The following ARHGAP6 variants were observed in gnomAD, a reference collection of about 807,000 sequenced individuals.
The protein encoded by ARHGAP6 is rho GTPase-activating protein 6.
Under a neutral mutation model 55.7 loss-of-function variants are expected in ARHGAP6, and 16 were observed. The ratio of observed to expected loss-of-function variants is 0.29; its 90% CI spans 0.19 to 0.44. The LOEUF is 0.44. Ranked by LOEUF, ARHGAP6 falls within the 20% of genes least tolerant of loss-of-function variation. ARHGAP6 has a pLI of 1.00. For missense variants in ARHGAP6, 698 were observed against 808.9 expected (o/e 0.86, Z 1.66); for synonymous variants, 382 against 360.9 (o/e 1.06, Z -0.66).
At chrX:11,482,337 C>T (rs758696458) in intron 1 of ARHGAP6, among the ~76,000 whole-genome samples, 1 of 112,008 alleles carries the variant, frequency 8.9e-6, no homozygotes, top group South Asian at 3.7e-4. Flanking sequence ...CTGGCGTACC[C>T]CCAGCAGCTG....
chrX:11,340,645 C>T (rs959313447), intron 1 of ARHGAP6, among the ~76,000 whole-genome samples: 7 of 107,022 alleles, frequency 6.5e-5, no homozygotes, highest in Admixed American at 9.9e-5. Context: ...AGGAGAATGG[C>T]GTGAACCCGG....
chrX:11,425,804 T>A (rs1484892040), intron 1 of ARHGAP6, among the ~76,000 whole-genome samples: 1 of 111,981 alleles, frequency 8.9e-6, no homozygotes, highest in African/African-American at 3.2e-5. Context: ...TAGATTTTTT[T>A]AAAATTAAGG....
chrX:11,397,987 G>T (rs5935050), intron 1 of ARHGAP6, among the ~76,000 whole-genome samples: 6,192 of 111,410 alleles, frequency 0.056, 196 homozygotes, highest in African/African-American at 0.12. Flanking sequence ...CACATTGATA[G>T]TAACTAATTA....
At chrX:11,194,262 C>A (rs1263587769) in intron 3 of ARHGAP6, among the ~76,000 whole-genome samples, 2 of 112,503 alleles carry the variant, frequency 1.8e-5, no homozygotes, top group East Asian at 5.5e-4. Flanking sequence ...ATTTATCAGA[C>A]TATAATAGCT....
At chrX:11,384,443 T>A (rs2049303750) in intron 1 of ARHGAP6, among the ~76,000 whole-genome samples, 1 of 112,219 alleles carries the variant, frequency 8.9e-6, no homozygotes, top group Non-Finnish European at 1.9e-5. Context: ...TGAAAAGTCA[T>A]GAGAACACAT....
Position 11,664,253 on chromosome X carries a change from C to T in ARHGAP6, c.576G>A (p.Val192=), listed in dbSNP as rs2052729864. ...PPDSRGHPYV[V]WKSEGDFTWN... ...CGCTGGTCCCTACCTCGGATTTCCA[C>T]ACGACGTAGGGGTGCCCGCGACTGT... Residue 192 remains valine (V), a synonymous_variant, in exon 1 of 13, where the codon GTG becomes GTA. Transcript: ENST00000337414. The T allele has an allele frequency of 8.3e-7, 1 of 1,203,009 alleles. No individual in the cohort carries two copies. The highest frequency in any genetic ancestry group is 1.1e-6 in the Non-Finnish European group (1 of 890,966).
chrX:11,226,443 ATAAAT>A (rs1470106726), intron 2 of ARHGAP6, among the ~76,000 whole-genome samples: 1 of 111,572 alleles, frequency 9.0e-6, no homozygotes, highest in African/African-American at 3.3e-5. Context: ...GTTATACATT[ATAAAT>A]TACTTACCAT....
At chrX:11,212,942 C>T in intron 2 of ARHGAP6, among the ~76,000 whole-genome samples, 1 of 113,072 alleles carries the variant, frequency 8.8e-6, no homozygotes, top group Non-Finnish European at 1.9e-5. Flanking sequence ...GATTGGTCGG[C>T]TCAGTGTGCA....
intron 1 of ARHGAP6, chrX:11,298,709 C>T (rs200842202): frequency 4.1e-5 from 49 of 1,208,509 alleles, no homozygotes; most frequent in African/African-American, 5.3e-5. Flanking sequence ...CAATGATGCC[C>T]GTTCCTGGCC....
At chrX:11,467,018 C>T (rs2050300105) in intron 1 of ARHGAP6, among the ~76,000 whole-genome samples, 1 of 112,182 alleles carries the variant, frequency 8.9e-6, no homozygotes, top group Non-Finnish European at 1.9e-5. Flanking sequence ...CAGTGCTTGC[C>T]TTGAAGTCAT....
intron 1 of ARHGAP6, among the ~76,000 whole-genome samples, chrX:11,423,217 C>G (rs1041132700): frequency 8.8e-6 from 1 of 112,995 alleles, no homozygotes; most frequent in Admixed American, 9.3e-5. Context: ...ATAACTGATT[C>G]ATATCAGCAT....
chrX:11,646,762 C>A (rs1014538700), intron 1 of ARHGAP6, among the ~76,000 whole-genome samples: 1 of 111,531 alleles, frequency 9.0e-6, no homozygotes, highest in Non-Finnish European at 1.9e-5. Context: ...ATGACATAAG[C>A]CAAACAAACA....
At chrX:11,205,937 A>C (rs1367025088) in intron 2 of ARHGAP6, among the ~76,000 whole-genome samples, 1 of 112,274 alleles carries the variant, frequency 8.9e-6, no homozygotes, top group Admixed American at 9.5e-5. Flanking sequence ...TACTAGGAGT[A>C]TTGACAGCTA....
At chrX:11,322,468 C>T (rs187326451) in intron 1 of ARHGAP6, among the ~76,000 whole-genome samples, 1 of 111,419 alleles carries the variant, frequency 9.0e-6, no homozygotes, top group African/African-American at 3.3e-5. Flanking sequence ...AAGCAATTCT[C>T]CTGCCTCAGC....
At chrX:11,392,341 C>T (rs1351684110) in intron 1 of ARHGAP6, among the ~76,000 whole-genome samples, 1 of 111,315 alleles carries the variant, frequency 9.0e-6, no homozygotes, top group Admixed American at 9.6e-5. Flanking sequence ...TTCCCAACCC[C>T]ACCCCATCAC....
At chrX:11,375,038 G>A (rs1232367578) in intron 1 of ARHGAP6, among the ~76,000 whole-genome samples, 1 of 112,116 alleles carries the variant, frequency 8.9e-6, no homozygotes, top group East Asian at 2.8e-4. Context: ...TATTCCTAAT[G>A]CCTAGAACAG....
At chrX:11,284,585 C>CAT (rs1226641183) in intron 1 of ARHGAP6, among the ~76,000 whole-genome samples, 27 of 111,891 alleles carry the variant, frequency 2.4e-4, no homozygotes, top group African/African-American at 8.1e-4. Context: ...GTATCAAATC[C>CAT]ATAGATGTAT....
chrX:11,513,114 G>C (rs2050800261), intron 1 of ARHGAP6, among the ~76,000 whole-genome samples: 1 of 111,534 alleles, frequency 9.0e-6, no homozygotes. Flanking sequence ...GGATATAGTA[G>C]TGAAATCCAC....
chrX:11,553,386 C>T (rs983653214), intron 1 of ARHGAP6, among the ~76,000 whole-genome samples: 3 of 110,831 alleles, frequency 2.7e-5, no homozygotes, highest in African/African-American at 6.6e-5. Flanking sequence ...GAACTACAGG[C>T]GTGCGCCACC....
Sources: allele counts gnomAD v4.1 joint callset (sites outside exome capture counted in the v4.1 genomes callset), GRCh38; gene constraint gnomAD v4.1.1; transcripts MANE v1.5; gene names NCBI Gene and HGNC (gene_info 2026-07-23, HGNC 2026-07-21).